Variants in KHDRBS2 observed in about 807,000 individuals in gnomAD.
KHDRBS2 encodes KH RNA binding domain containing, signal transduction associated 2.
KHDRBS2 carries 26 observed loss-of-function variants against 44.3 expected under a neutral mutation model. The ratio of observed to expected loss-of-function variants is 0.59; its 90% CI spans 0.43 to 0.81. The LOEUF is 0.81. Among genes scored for constraint, KHDRBS2 ranks in the 40% least tolerant of loss-of-function variants. KHDRBS2 has a pLI of 0.00. For missense variants in KHDRBS2, 476 were observed against 433.1 expected (o/e 1.10, Z -0.88); for synonymous variants, 194 against 151.1 (o/e 1.28, Z -2.08).
chr6:62,270,073 C>A (rs1455407768), intron 1 of KHDRBS2, among the ~76,000 whole-genome samples: 1 of 151,904 alleles, frequency 6.6e-6, no homozygotes. Context: ...GAATTGGAGG[C>A]GATATAGTTT....
At chr6:61,742,252 C>G (rs989540331) in intron 6 of KHDRBS2, among the ~76,000 whole-genome samples, 2 of 151,844 alleles carry the variant, frequency 1.3e-5, no homozygotes, top group African/African-American at 2.4e-5. Flanking sequence ...AAAAACGTGT[C>G]CCTGTCTTAG....
chr6:61,895,196 A>G (rs954789714), intron 5 of KHDRBS2, among the ~76,000 whole-genome samples: 33 of 151,798 alleles, frequency 2.2e-4, no homozygotes, highest in African/African-American at 5.8e-4. Flanking sequence ...CGAAGAAGAC[A>G]CAAATCAGAG....
chr6:62,235,790 T>C lies in KHDRBS2; in HGVS notation c.91+50068A>G, dbSNP rs1486675053. On this transcript the variant is annotated intron_variant, in intron 1 of 8. Coordinates refer to ENST00000281156, the MANE Select transcript of KHDRBS2 (RefSeq NM_152688.4). ...CAAAATAAACAATATATCACAACTC[T>C]TCCATGGTACAATTTCGAGATTTCT... Among the ~76,000 whole-genome samples the C allele has an allele frequency of 2.0e-5, 3 of 152,200 alleles. No individual in the cohort carries two copies. The East Asian group carries it at 5.8e-4, about 29-fold the overall frequency.
intron 3 of KHDRBS2, among the ~76,000 whole-genome samples, chr6:62,025,928 A>C (rs1413482364): frequency 6.6e-6 from 1 of 152,084 alleles, no homozygotes; most frequent in Admixed American, 6.6e-5. Flanking sequence ...TTTAAAAAGT[A>C]TTTCTCATAA....
chr6:61,700,057 C>T (rs1161432514), intron 7 of KHDRBS2, among the ~76,000 whole-genome samples: 1 of 151,710 alleles, frequency 6.6e-6, no homozygotes, highest in Admixed American at 6.6e-5. Context: ...TAAATTGATT[C>T]CTTAAATGAT....
At chr6:61,941,229 A>G (rs1273432422) in intron 4 of KHDRBS2, among the ~76,000 whole-genome samples, 1 of 152,118 alleles carries the variant, frequency 6.6e-6, no homozygotes, top group Non-Finnish European at 1.5e-5. Flanking sequence ...CATAGCTGGC[A>G]CCTACCTTCA....
intron 1 of KHDRBS2, among the ~76,000 whole-genome samples, chr6:62,210,046 C>T (rs1424424180): frequency 1.3e-5 from 2 of 152,092 alleles, no homozygotes; most frequent in East Asian, 1.9e-4. Flanking sequence ...ATAAACTCCC[C>T]TTCATATATA....
chr6:61,860,224 C>A (rs892806269), intron 6 of KHDRBS2, among the ~76,000 whole-genome samples: 2 of 151,880 alleles, frequency 1.3e-5, no homozygotes, highest in South Asian at 2.1e-4. Flanking sequence ...ACCAGAGACA[C>A]AAAAATTCCC....
intron 3 of KHDRBS2, among the ~76,000 whole-genome samples, chr6:62,024,854 A>G (rs540136189): frequency 6.6e-6 from 1 of 151,792 alleles, no homozygotes; most frequent in East Asian, 1.9e-4. Context: ...CTATTAAAGT[A>G]TATTAAAAGT....
intron 6 of KHDRBS2, among the ~76,000 whole-genome samples, chr6:61,775,784 A>G (rs1781876190): frequency 6.6e-6 from 1 of 152,306 alleles, no homozygotes; most frequent in African/African-American, 2.4e-5. Flanking sequence ...TAGAATTGGA[A>G]AAAACTACTT....
chr6:62,157,423 T>C (rs1340206685), intron 2 of KHDRBS2, among the ~76,000 whole-genome samples: 1 of 152,206 alleles, frequency 6.6e-6, no homozygotes, highest in Non-Finnish European at 1.5e-5. Flanking sequence ...ACTCAACATA[T>C]ATCCAACTAA....
At chr6:62,151,862 A>G (rs188996390) in intron 2 of KHDRBS2, among the ~76,000 whole-genome samples, 1 of 152,338 alleles carries the variant, frequency 6.6e-6, no homozygotes, top group African/African-American at 2.4e-5. Context: ...AAAAATGATA[A>G]CGGGTAACAT....
At chr6:61,718,559 A>G (rs1771824802) in intron 7 of KHDRBS2, among the ~76,000 whole-genome samples, 1 of 151,752 alleles carries the variant, frequency 6.6e-6, no homozygotes, top group Non-Finnish European at 1.5e-5. Flanking sequence ...CGTCTATTGG[A>G]TTGGTTTTCC....
the KHDRBS2 span, among the ~76,000 whole-genome samples, chr6:61,579,062 GTTT>G: frequency 6.6e-6 from 1 of 152,110 alleles, no homozygotes. Context: ...GTGGGCTCCA[GTTT>G]TAAGTTTAAA....
intron 3 of KHDRBS2, among the ~76,000 whole-genome samples, chr6:61,994,835 G>C (rs941996715): frequency 1.3e-5 from 2 of 152,230 alleles, no homozygotes; most frequent in African/African-American, 2.4e-5. Flanking sequence ...TGGGGTCTTC[G>C]TGGTGAGTAA....
At chr6:61,891,054 C>T (rs1801748284) in intron 6 of KHDRBS2, among the ~76,000 whole-genome samples, 2 of 152,218 alleles carry the variant, frequency 1.3e-5, no homozygotes, top group Admixed American at 6.5e-5. Flanking sequence ...TGATTATTAA[C>T]CAGTCCATAT....
intron 8 of KHDRBS2, among the ~76,000 whole-genome samples, chr6:61,689,390 G>A (rs1372229732): frequency 6.6e-6 from 1 of 151,974 alleles, no homozygotes; most frequent in Non-Finnish European, 1.5e-5. Flanking sequence ...TAGCCAGCCG[G>A]TCAGAAGTAA....
At chr6:61,697,558 A>G (rs1412851562) in intron 7 of KHDRBS2, among the ~76,000 whole-genome samples, 2 of 152,210 alleles carry the variant, frequency 1.3e-5, no homozygotes, top group East Asian at 3.9e-4. Context: ...TAAAAGGCCT[A>G]TTTCCAAGAA....
At chr6:61,573,140 T>C in the KHDRBS2 span, among the ~76,000 whole-genome samples, 1 of 152,170 alleles carries the variant, frequency 6.6e-6, no homozygotes. Flanking sequence ...ACAAAATCAA[T>C]GTACACAAGT....
Sources: allele counts gnomAD v4.1 joint callset (sites outside exome capture counted in the v4.1 genomes callset), GRCh38; gene constraint gnomAD v4.1.1; transcripts MANE v1.5; gene names NCBI Gene and HGNC (gene_info 2026-07-23, HGNC 2026-07-21).